The following EPHA6 variants were observed in gnomAD, a reference collection of about 807,000 sequenced individuals.
EPHA6 encodes ephrin type-A receptor 6.
EPHA6 carries 50 observed loss-of-function variants against 112.0 expected under a neutral mutation model. The observed-to-expected ratio is 0.45, with a 90% CI of 0.36 to 0.56. The LOEUF is 0.56. Among genes scored for constraint, EPHA6 ranks in the 20% least tolerant of loss-of-function variants. The pLI is 0.00. For synonymous variants in EPHA6, 529 were observed against 490.7 expected, an observed-to-expected ratio of 1.08 and a Z score of -1.03; for missense variants, 1,280 against 1,417.4, an observed-to-expected ratio of 0.90 and a Z score of 1.56.
chr3:96,847,542 G>A (rs890199438), intron 1 of EPHA6, among the ~76,000 whole-genome samples: 5 of 152,044 alleles, frequency 3.3e-5, no homozygotes, highest in South Asian at 4.2e-4. Context: ...TTATAGAATC[G>A]ATAGGTCATG....
chr3:96,939,667 G>C (rs1246086103), intron 2 of EPHA6, among the ~76,000 whole-genome samples: 3 of 152,068 alleles, frequency 2.0e-5, no homozygotes, highest in Admixed American at 1.3e-4. Context: ...GTTTGCTCTT[G>C]CTTTTCTAGT....
At chr3:97,058,455 C>T (rs866212641) in intron 3 of EPHA6, among the ~76,000 whole-genome samples, 72 of 152,176 alleles carry the variant, frequency 4.7e-4, no homozygotes, top group African/African-American at 1.7e-3. Flanking sequence ...GCACCACCCT[C>T]CGGCCCCAGC....
chr3:97,010,773 C>G (rs1367926879), intron 3 of EPHA6, among the ~76,000 whole-genome samples: 1 of 152,166 alleles, frequency 6.6e-6, no homozygotes, highest in Non-Finnish European at 1.5e-5. Context: ...ATTCTTGTGC[C>G]TCAGCCTCCA....
intron 3 of EPHA6, among the ~76,000 whole-genome samples, chr3:97,014,277 T>C (rs899061468): frequency 6.6e-6 from 1 of 152,074 alleles, no homozygotes; most frequent in African/African-American, 2.4e-5. Context: ...AAAATGATTT[T>C]TCAGAATTTT....
At chr3:97,598,241 C>T (rs113529364) in intron 12 of EPHA6, among the ~76,000 whole-genome samples, 25,912 of 150,748 alleles carry the variant, frequency 0.17, 2,631 homozygotes, top group Admixed American at 0.26. Flanking sequence ...TGATTAAATC[C>T]ATCTTTCAGG....
chr3:97,043,296 G>T (rs532594728), intron 3 of EPHA6, among the ~76,000 whole-genome samples: 30 of 152,124 alleles, frequency 2.0e-4, no homozygotes, highest in African/African-American at 6.7e-4. Context: ...CCTTGATAGG[G>T]ACAGGTAGTC....
At chr3:97,629,529 ATTATAAT>A (rs1366687558) in intron 13 of EPHA6, among the ~76,000 whole-genome samples, 1 of 151,974 alleles carries the variant, frequency 6.6e-6, no homozygotes, top group Non-Finnish European at 1.5e-5. Flanking sequence ...ATACCATGAA[ATTATAAT>A]TTATAATTCT....
At chr3:97,580,789 A>C (rs2107282584) in intron 11 of EPHA6, among the ~76,000 whole-genome samples, 1 of 152,352 alleles carries the variant, frequency 6.6e-6, no homozygotes, top group East Asian at 1.9e-4. Context: ...TATACGCCTC[A>C]GTGGCATCCA....
Position 97,753,459 on chromosome 3 carries a change from T to G in EPHA6, c.*4758T>G, listed in dbSNP as rs2035947257. Among the ~76,000 whole-genome samples, 1 of 152,150 alleles carries G rather than the reference T, an allele frequency of 6.6e-6. No individual in the cohort carries two copies. Among genetic ancestry groups the G allele is most frequent in the Non-Finnish European group, 1.5e-5 (1 of 68,018 alleles). On this transcript the variant is annotated 3_prime_UTR_variant, in exon 18 of 18. Coordinates refer to ENST00000389672, the MANE Select transcript of EPHA6 (RefSeq NM_001080448.3). Reference sequence around the variant, plus strand: ...TTCTTCCGAAACACTCCATAACCCCTCTGGCGGAGGGGAAGCATACTTCCT... The same window carrying G: ...TTCTTCCGAAACACTCCATAACCCCGCTGGCGGAGGGGAAGCATACTTCCT...
rs1055506627 is a variant in EPHA6, at chr3:97,755,451, T to C, written c.*6750T>C. On this transcript the variant is annotated 3_prime_UTR_variant, in exon 18 of 18. Transcript: ENST00000389672. ...TTTCTGGTTAGATAATAAGTTATAATCTCAACAAATCAGAACAACTGAGAT... is the reference window on the plus strand; with the variant it reads ...TTTCTGGTTAGATAATAAGTTATAACCTCAACAAATCAGAACAACTGAGAT... 1.3e-5 allele frequency among the ~76,000 whole-genome samples: 2 copies of C among 152,098 alleles called. No individual in the cohort carries two copies. Among genetic ancestry groups the C allele is most frequent in the Non-Finnish European group, 2.9e-5 (2 of 67,992 alleles).
intron 5 of EPHA6, among the ~76,000 whole-genome samples, chr3:97,350,693 T>C (rs537882844): frequency 6.6e-6 from 1 of 152,222 alleles, no homozygotes; most frequent in African/African-American, 2.4e-5. Flanking sequence ...TATGATATAG[T>C]ACTTAACAAC....
chr3:96,814,842 G>A lies in EPHA6; in HGVS notation c.219G>A (p.Gln73=). The A allele has an allele frequency of 6.3e-7, 1 of 1,575,402 alleles. No individual in the cohort carries two copies. The change falls in exon 1 of 18, where the codon CAG becomes CAA. Residue 73 remains glutamine, a synonymous_variant. Transcript: ENST00000389672. ...TGGACAAGGACCCCCATCCTACCCA[G>A]AACACCTGCCTGCGCTGCCGCCACT... ...EDVDKDPHPT[Q]NTCLRCRHFS... is the part of the protein sequence containing the mutation.
At chr3:97,014,264 A>C (rs2044190508) in intron 3 of EPHA6, among the ~76,000 whole-genome samples, 1 of 152,124 alleles carries the variant, frequency 6.6e-6, no homozygotes, top group South Asian at 2.1e-4. Context: ...ACCATTAAAT[A>C]TTAAAATGAT....
chr3:97,089,761 G>T (rs1404602458), intron 3 of EPHA6, among the ~76,000 whole-genome samples: 1 of 152,068 alleles, frequency 6.6e-6, no homozygotes, highest in Non-Finnish European at 1.5e-5. Flanking sequence ...GTCTCTAGAA[G>T]TAGGAAGTGA....
At chr3:97,193,380 A>G (rs1395117920) in intron 3 of EPHA6, among the ~76,000 whole-genome samples, 1 of 151,986 alleles carries the variant, frequency 6.6e-6, no homozygotes, top group Non-Finnish European at 1.5e-5. Flanking sequence ...TTTTTAAGGT[A>G]CTTTATTTTA....
intron 2 of EPHA6, among the ~76,000 whole-genome samples, chr3:96,926,353 T>C (rs2040034733): frequency 6.6e-6 from 1 of 152,090 alleles, no homozygotes; most frequent in African/African-American, 2.4e-5. Flanking sequence ...TATATTTGGG[T>C]GGGGACACAG....
At chr3:97,744,073 A>G (rs1419363179) in intron 16 of EPHA6, among the ~76,000 whole-genome samples, 1 of 152,022 alleles carries the variant, frequency 6.6e-6, no homozygotes, top group Non-Finnish European at 1.5e-5. Flanking sequence ...CTAAACTGTA[A>G]CATTACCTGT....
intron 5 of EPHA6, among the ~76,000 whole-genome samples, chr3:97,284,814 T>C (rs921695021): frequency 6.6e-6 from 1 of 152,182 alleles, no homozygotes; most frequent in Admixed American, 6.5e-5. Context: ...GTTAAATCTT[T>C]AATTTGTACA....
At chr3:97,544,601 C>T (rs2092918163) in intron 11 of EPHA6, among the ~76,000 whole-genome samples, 1 of 152,124 alleles carries the variant, frequency 6.6e-6, no homozygotes, top group South Asian at 2.1e-4. Context: ...ATGATGCTGG[C>T]CCATAAAATG....
Sources: gnomAD v4.1 joint callset for allele counts (sites outside exome capture counted in the v4.1 genomes callset) on GRCh38, gnomAD v4.1.1 for gene constraint, MANE v1.5 for transcripts, NCBI Gene and HGNC (gene_info 2026-07-23, HGNC 2026-07-21) for gene names.